Variants in GRIP1 observed in about 807,000 individuals in gnomAD.
GRIP1 encodes glutamate receptor-interacting protein 1.
GRIP1 carries 45 observed loss-of-function variants against 129.9 expected under a neutral mutation model. That is an observed-to-expected ratio of 0.35 (90% CI 0.27 to 0.44). The LOEUF (loss-of-function observed/expected upper bound fraction) is 0.44, where lower values mean the gene tolerates loss of function less well. GRIP1 is among the 20% of genes least tolerant of loss of function. The pLI is 1.00. For missense variants in GRIP1, 1,196 were observed against 1,396.8 expected (o/e 0.86, Z 2.29); for synonymous variants, 530 against 520.8 (o/e 1.02, Z -0.24).
intron 19 of GRIP1, among the ~76,000 whole-genome samples, chr12:66,383,555 T>C (rs1200973295): frequency 6.6e-6 from 1 of 152,206 alleles, no homozygotes; most frequent in Non-Finnish European, 1.5e-5. Flanking sequence ...ACATTGGGCA[T>C]GTCACTCAGC....
intron 1 of GRIP1, among the ~76,000 whole-genome samples, chr12:67,029,033 C>T (rs1197354349): frequency 1.3e-5 from 2 of 152,160 alleles, no homozygotes; most frequent in Middle Eastern, 3.4e-3. Context: ...AGAGATGAAG[C>T]TGAGGTTGCA....
intron 1 of GRIP1, among the ~76,000 whole-genome samples, chr12:66,909,170 G>C (rs1012284598): frequency 6.6e-6 from 1 of 151,878 alleles, no homozygotes; most frequent in Non-Finnish European, 1.5e-5. Flanking sequence ...TCATGTCTTT[G>C]TTTTGCTATT....
At chr12:67,000,665 G>C (rs2042538079) in intron 1 of GRIP1, among the ~76,000 whole-genome samples, 3 of 152,166 alleles carry the variant, frequency 2.0e-5, no homozygotes, top group Non-Finnish European at 2.9e-5. Context: ...TTCAACATCA[G>C]CAAGTCCACG....
At chr12:66,657,853 G>A (rs971611053) in intron 1 of GRIP1, among the ~76,000 whole-genome samples, 1 of 152,158 alleles carries the variant, frequency 6.6e-6, no homozygotes, top group Non-Finnish European at 1.5e-5. Context: ...TCTCCAAGGC[G>A]ACAGGAGGGA....
intron 1 of GRIP1, among the ~76,000 whole-genome samples, chr12:66,611,211 T>TAAGTACC (rs2064778938): frequency 6.6e-6 from 1 of 152,134 alleles, no homozygotes; most frequent in Admixed American, 6.6e-5. Flanking sequence ...CTGAAATATG[T>TAAGTACC]AAGTACCACT....
In GRIP1 at chr12:66,477,409, C is replaced by T. The variant is rs182484256; in HGVS notation, c.725-11987G>A. On this transcript the variant is annotated intron_variant, in intron 7 of 24. Coordinates refer to ENST00000359742, the MANE Select transcript of GRIP1 (RefSeq NM_001366722.1). The stretch of plus-strand genomic sequence containing the variant: ...CAAACAAATGGAAGAACATTCCATG[C>T]TCATAGATAGGAAGAATCAATACCG... Among the ~76,000 whole-genome samples the T allele has an allele frequency of 5.9e-5, 9 of 151,968 alleles. No homozygotes were observed. The East Asian group carries it at 1.5e-3, about 26-fold the overall frequency.
Position 66,392,435 on chromosome 12 carries a change from C to T in GRIP1, c.2337G>A (p.Glu779=). ...GCTTCTGTGCTGGTGAGGAGTCCTCCTCCACATCCCCCAGGTCACTCAAAT... is the reference window on the plus strand; with the variant it reads ...GCTTCTGTGCTGGTGAGGAGTCCTCTTCCACATCCCCCAGGTCACTCAAAT... ...SSHLSDLGDV[E]EDSSPAQKPG... is the part of the protein sequence containing the mutation. The change falls in exon 19 of 25, where the codon GAG becomes GAA. Residue 779 remains glutamate, a synonymous_variant. Coordinates refer to ENST00000359742, the MANE Select transcript of GRIP1 (RefSeq NM_001366722.1). 1 of 1,614,098 alleles carries T rather than the reference C, an allele frequency of 6.2e-7. No homozygotes were observed. The highest frequency in any genetic ancestry group is 8.5e-7 in the Non-Finnish European group (1 of 1,179,958).
chr12:66,952,152 G>A (rs570819147), intron 1 of GRIP1, among the ~76,000 whole-genome samples: 5 of 152,126 alleles, frequency 3.3e-5, no homozygotes, highest in African/African-American at 1.2e-4. Flanking sequence ...AAGAAGCAAC[G>A]GGATTGAGCC....
intron 2 of GRIP1, among the ~76,000 whole-genome samples, chr12:66,586,390 T>C (rs1419326347): frequency 6.6e-6 from 1 of 152,204 alleles, no homozygotes; most frequent in Non-Finnish European, 1.5e-5. Context: ...CTTTTGTTTC[T>C]TCATATCTTT....
intron 2 of GRIP1, chr12:66,563,784 T>C (rs2062627719): frequency 6.6e-6 from 1 of 152,172 alleles, no homozygotes; most frequent in Admixed American, 6.6e-5. Context: ...TGTATATAAT[T>C]AAATACAATT....
intron 1 of GRIP1, among the ~76,000 whole-genome samples, chr12:66,787,227 T>G (rs1471787168): frequency 6.6e-6 from 1 of 152,178 alleles, no homozygotes; most frequent in Non-Finnish European, 1.5e-5. Flanking sequence ...AATTCAGTCC[T>G]GGGGATGTGT....
intron 1 of GRIP1, among the ~76,000 whole-genome samples, chr12:66,660,671 T>C (rs1269186304): frequency 6.6e-6 from 1 of 152,152 alleles, no homozygotes; most frequent in Non-Finnish European, 1.5e-5. Flanking sequence ...TGGCAGCACA[T>C]AACACATTTC....
At chr12:67,028,386 T>A (rs1446436195) in intron 1 of GRIP1, among the ~76,000 whole-genome samples, 1 of 152,220 alleles carries the variant, frequency 6.6e-6, no homozygotes, top group Admixed American at 6.5e-5. Flanking sequence ...GACTTTTAAA[T>A]AGATGTATTT....
At chr12:66,795,259 C>T (rs1592852892) in intron 1 of GRIP1, among the ~76,000 whole-genome samples, 1 of 152,184 alleles carries the variant, frequency 6.6e-6, no homozygotes, top group Admixed American at 6.5e-5. Flanking sequence ...CCACTGTTGG[C>T]GTCACATTCC....
At chr12:66,698,159 G>A (rs1363970993) in intron 1 of GRIP1, among the ~76,000 whole-genome samples, 2 of 152,140 alleles carry the variant, frequency 1.3e-5, no homozygotes, top group Non-Finnish European at 2.9e-5. Flanking sequence ...CAGATATGGA[G>A]GTTCATGAGA....
intron 1 of GRIP1, among the ~76,000 whole-genome samples, chr12:66,874,180 T>C (rs2040343476): frequency 6.6e-6 from 1 of 152,096 alleles, no homozygotes; most frequent in Admixed American, 6.6e-5. Context: ...ACCAATCCTT[T>C]TCAGAAGAAA....
At chr12:66,376,033 G>A (rs2055768329) in intron 22 of GRIP1, among the ~76,000 whole-genome samples, 1 of 152,132 alleles carries the variant, frequency 6.6e-6, no homozygotes, top group Admixed American at 6.5e-5. Flanking sequence ...TCAGCATTCT[G>A]CTCTTTTTGA....
intron 1 of GRIP1, among the ~76,000 whole-genome samples, chr12:66,650,014 T>C (rs1030350488): frequency 2.0e-5 from 3 of 152,104 alleles, no homozygotes; most frequent in Non-Finnish European, 4.4e-5. Context: ...GTCTAGCGAG[T>C]TATAGAGCTC....
intron 1 of GRIP1, among the ~76,000 whole-genome samples, chr12:66,956,293 T>C (rs1446034783): frequency 2.0e-5 from 3 of 152,172 alleles, no homozygotes; most frequent in Non-Finnish European, 4.4e-5. Flanking sequence ...GTCCCTCGAT[T>C]GGGGTTTTCG....
Sources: gnomAD v4.1 joint callset for allele counts (sites outside exome capture counted in the v4.1 genomes callset) on GRCh38, gnomAD v4.1.1 for gene constraint, MANE v1.5 for transcripts, NCBI Gene and HGNC (gene_info 2026-07-23, HGNC 2026-07-21) for gene names.